The following LRCH4 variants were observed in gnomAD, a reference collection of about 807,000 sequenced individuals.
LRCH4 encodes the protein leucine rich repeats and calponin homology domain containing 4.
In LRCH4, 56 loss-of-function variants were observed where a neutral mutation model predicts 81.2. The observed-to-expected ratio is 0.69, with a 90% CI of 0.56 to 0.86. The LOEUF is 0.86. LRCH4 is among the 40% of genes least tolerant of loss of function. LRCH4 has a pLI of 0.00. For missense variants in LRCH4, 895 were observed against 922.8 expected (o/e 0.97, Z 0.39); for synonymous variants, 442 against 409.7 (o/e 1.08, Z -0.95).
In LRCH4 at chr7:100,577,675, C is replaced by T; in HGVS notation, c.1105G>A (p.Gly369Ser). 1 of 1,613,878 alleles carries T rather than the reference C, an allele frequency of 6.2e-7. No individual in the cohort carries two copies. The highest frequency in any genetic ancestry group is 1.1e-5 in the South Asian group (1 of 91,090). ...SHVPGEDEER[G>S]TVEEQRPPEL... The stretch of plus-strand genomic sequence containing the variant: ...AGCTGGGCTCTCACCTCCACAGTGC[C>T]TCGCTCTTCATCCTCCCCGGGGACA... Residue 369 changes from glycine (G) to serine (S), a missense_variant, in exon 9 of 18, where the codon GGC (glycine) becomes AGC (serine). By Grantham distance (56) the Gly-to-Ser change is moderately conservative. This residue lies in a region of LRCH4 where 529 missense variants were observed against 504.9 expected (regional missense o/e 1.05). Transcript: ENST00000310300. The surrounding 1 kb of genome is among the most constrained non-coding windows in gnomAD (Gnocchi z 6.7).
Position 100,578,339 on chromosome 7 carries a change from T to C in LRCH4, c.848+60A>G. ...CTCCTGCCAGAAAGCAGGGGGTGCC[T>C]GGGGCCGGGAAGGGGCATTCAGTAT... On this transcript the variant is annotated intron_variant, in intron 6 of 17. Transcript: ENST00000310300. The surrounding 1 kb of genome is among the most constrained non-coding windows in gnomAD (Gnocchi z 5.7). 1 of 1,601,570 alleles carries C rather than the reference T, an allele frequency of 6.2e-7. No individual in the cohort carries two copies. Among genetic ancestry groups the C allele is most frequent in the Non-Finnish European group, 8.6e-7 (1 of 1,168,758 alleles).
In LRCH4 at chr7:100,582,104, G is replaced by A; in HGVS notation, c.429C>T (p.Val143=). 1 of 1,612,336 alleles carries A rather than the reference G, an allele frequency of 6.2e-7. No homozygotes were observed. Among genetic ancestry groups the A allele is most frequent in the Non-Finnish European group, 8.5e-7 (1 of 1,179,800 alleles). The change falls in exon 3 of 18, where the codon GTC becomes GTT. Residue 143 remains valine (V), a synonymous_variant. Coordinates refer to ENST00000310300, the MANE Select transcript of LRCH4 (RefSeq NM_002319.5). This position sits in a 1 kb window ranked among gnomAD's most constrained non-coding sequence, Gnocchi z 5.0. The part of the protein sequence containing the change: ...ICQLPLRVLI[V]SNNKLGALPP... ...GCAGGGCTCCCAGCTTGTTGTTGCTGACGATGAGGACCCTCAGGGGCAGCT... is the reference window on the plus strand; with the variant it reads ...GCAGGGCTCCCAGCTTGTTGTTGCTAACGATGAGGACCCTCAGGGGCAGCT...
rs1247207463 is a variant in LRCH4 at position 100,585,864 on chromosome 7, G to A, written c.220+17C>T. 1 of 1,557,954 alleles carries A rather than the reference G, an allele frequency of 6.4e-7. No homozygotes were observed. Among genetic ancestry groups the A allele is most frequent in the African/African-American group, 1.4e-5 (1 of 72,050 alleles). Reference sequence around the variant, plus strand: ...AAATGAGGGACCCGGTTGGGCCCGGGGCCCGGCTGCACTCACCAGCCTGGG... The same window carrying A: ...AAATGAGGGACCCGGTTGGGCCCGGAGCCCGGCTGCACTCACCAGCCTGGG... On this transcript the variant is annotated intron_variant, in intron 1 of 17. Coordinates refer to ENST00000310300, the MANE Select transcript of LRCH4 (RefSeq NM_002319.5).
Position 100,577,319 on chromosome 7 carries a change from G to C in LRCH4, c.1249C>G (p.Arg417Gly). The change falls in exon 11 of 18, where the codon CGG (arginine) becomes GGG (glycine). Residue 417 changes from arginine (R) to glycine (G), a missense_variant. Around this residue, in one of 3 missense-constraint regions of LRCH4, gnomAD observed 529 missense variants for 504.9 expected, o/e 1.05. Coordinates refer to ENST00000310300, the MANE Select transcript of LRCH4 (RefSeq NM_002319.5). This position sits in a 1 kb window ranked among gnomAD's most constrained non-coding sequence, Gnocchi z 6.7. ...TLQLWQERER[R>G]QQQQSGAWGA... ...CACGCCCCGCTCTGCTGCTGCTGCC[G>C]CCGTTCCCGCTCCTGCCACAGCTGC... 1 of 1,597,604 alleles carries C rather than the reference G, an allele frequency of 6.3e-7. No homozygotes were observed. The highest frequency in any genetic ancestry group is 8.5e-7 in the Non-Finnish European group (1 of 1,178,414).
At position 100,578,229 on chromosome 7, in the gene LRCH4, C is replaced by G. The variant is rs771824805; in HGVS notation, c.878G>C (p.Arg293Pro). The G allele has an allele frequency of 6.2e-7, 1 of 1,614,222 alleles. No homozygotes were observed. The highest frequency in any genetic ancestry group is 8.5e-7 in the Non-Finnish European group (1 of 1,180,016). ...GCCTGAGTCCAGCCCACCATCGTACCGATGTCCCGGAAATAGATCCTCTGC... is the reference window on the plus strand; with the variant it reads ...GCCTGAGTCCAGCCCACCATCGTACGGATGTCCCGGAAATAGATCCTCTGC... Reference protein sequence around the residue: ...CPAEDLFPGHRYDGGLDSGFH... With the variant: ...CPAEDLFPGHPYDGGLDSGFH... The change falls in exon 7 of 18, where the codon CGG becomes CCG. Residue 293 changes from arginine to proline, a missense_variant. This residue lies in a region of LRCH4 where 360 missense variants were observed against 397.0 expected (regional missense o/e 0.91). Transcript: ENST00000310300. This position sits in a 1 kb window ranked among gnomAD's most constrained non-coding sequence, Gnocchi z 5.7.
chr7:100,578,846 A>C lies in LRCH4; in HGVS notation c.599-60T>G. ...TGCTCAGGGCTGTGGCCTCGTGCTC[A>C]CTCCCTCACCCTTGGCTCCAGCTGG... On this transcript the variant is annotated intron_variant, in intron 4 of 17. Transcript: ENST00000310300. The surrounding 1 kb of genome is among the most constrained non-coding windows in gnomAD (Gnocchi z 5.7). The C allele has an allele frequency of 6.4e-7, 1 of 1,570,666 alleles. No individual in the cohort carries two copies. Among genetic ancestry groups the C allele is most frequent in the Non-Finnish European group, 8.7e-7 (1 of 1,155,060 alleles).
At position 100,583,002 on chromosome 7, in the gene LRCH4, C is replaced by T. The variant is rs1308603157; in HGVS notation, c.221-543G>A. 6.6e-6 allele frequency among the ~76,000 whole-genome samples: 1 copy of T among 152,162 alleles called. No individual in the cohort carries two copies. Among genetic ancestry groups the T allele is most frequent in the Non-Finnish European group, 1.5e-5 (1 of 68,028 alleles). On this transcript the variant is annotated intron_variant, in intron 1 of 17. Coordinates refer to ENST00000310300, the MANE Select transcript of LRCH4 (RefSeq NM_002319.5). This position sits in a 1 kb window ranked among gnomAD's most constrained non-coding sequence, Gnocchi z 4.3. ...TATCTTGGTTCTAGAGATAAAGTCC[C>T]CGACACCGGACGAGTTTTTCGCCAG...
Position 100,574,748 on chromosome 7 carries a change from T to G in LRCH4, c.*359A>C. ...ATAGATCCTCTCTACAAAATAGAGA[T>G]AATTTAGCCCCCCCATAGCAGCTGT... On this transcript the variant is annotated 3_prime_UTR_variant, in exon 18 of 18. Coordinates refer to ENST00000310300, the MANE Select transcript of LRCH4 (RefSeq NM_002319.5). The G allele has an allele frequency of 3.9e-5, 9 of 227,916 alleles. No homozygotes were observed. Among genetic ancestry groups the G allele is most frequent in the Non-Finnish European group, 6.1e-5 (7 of 114,488 alleles). 14.1% of individuals were successfully genotyped at this position (227,916 alleles called of 1,614,324 possible). A position where few individuals can be genotyped will look rare whatever the true frequency, so the allele number is the denominator to read the frequency against.
At chr7:100,576,452 T>TG in intron 14 of LRCH4, 129 bp from the exon 15 acceptor site, 1 of 703,840 alleles carries the variant, frequency 1.4e-6, no homozygotes, top group Non-Finnish European at 2.4e-6. Context: ...TTCATGGAGA[T>TG]GGGGTCTCGC....
At position 100,578,618 on chromosome 7, in the gene LRCH4, T is replaced by C. The variant is rs1801445418; in HGVS notation, c.735+32A>G. 4 of 1,609,184 alleles carry C rather than the reference T, an allele frequency of 2.5e-6. No individual in the cohort carries two copies. In the East Asian group the frequency reaches 6.7e-5, roughly 27 times the overall value. Reference sequence around the variant, plus strand: ...CCCCACTCCTGCCTAGCCACACCCCTGTCCTCGTGGCCCCCCAGGCACCCG... The same window carrying C: ...CCCCACTCCTGCCTAGCCACACCCCCGTCCTCGTGGCCCCCCAGGCACCCG... On this transcript the variant is annotated intron_variant, in intron 5 of 17. Transcript: ENST00000310300. This position sits in a 1 kb window ranked among gnomAD's most constrained non-coding sequence, Gnocchi z 5.7.
intron 1 of LRCH4, chr7:100,584,548 A>G (rs1344764741): frequency 5.7e-6 from 2 of 350,860 alleles, no homozygotes; most frequent in East Asian, 8.4e-5. Flanking sequence ...AAAACAACCA[A>G]GGGGGAGGGG....
chr7:100,574,786 G>T lies in LRCH4; in HGVS notation c.*321C>A. The T allele has an allele frequency of 3.3e-6, 1 of 304,890 alleles. No homozygotes were observed. Among genetic ancestry groups the T allele is most frequent in the East Asian group, 5.6e-5 (1 of 17,730 alleles). The allele number at this position is 304,890 out of a possible 1,614,324, so 18.9% of individuals were successfully genotyped here. On this transcript the variant is annotated 3_prime_UTR_variant, in exon 18 of 18. Transcript: ENST00000310300. ...CCATAGCAGCTGTTGGGGGGGGAAGGGGAGGGCACAGGAGGAAGGGGGAGA... is the reference window on the plus strand; with the variant it reads ...CCATAGCAGCTGTTGGGGGGGGAAGTGGAGGGCACAGGAGGAAGGGGGAGA...
chr7:100,575,721 T>G lies in LRCH4; in HGVS notation c.1838A>C (p.Lys613Thr). The change falls in exon 17 of 18, where the codon AAA (lysine) becomes ACA (threonine). Residue 613 changes from lysine (K) to threonine (T), a missense_variant. Physicochemically the swap from Lys to Thr is moderately conservative, Grantham distance 78. This residue lies in a region of LRCH4 where 529 missense variants were observed against 504.9 expected (regional missense o/e 1.05). Coordinates refer to ENST00000310300, the MANE Select transcript of LRCH4 (RefSeq NM_002319.5). The surrounding 1 kb of genome is among the most constrained non-coding windows in gnomAD (Gnocchi z 5.3). ...CCCCCATACCTCAGGCACCCCCATT[T>G]TTCGACAGGCTTCTAGAAAACTCTC... ...NVESFLEACR[K>T]MGVPEADLCS... is the part of the protein sequence containing the mutation. 1 of 1,613,998 alleles carries G rather than the reference T, an allele frequency of 6.2e-7. No homozygotes were observed. The highest frequency in any genetic ancestry group is 8.5e-7 in the Non-Finnish European group (1 of 1,179,922).
At position 100,574,098 on chromosome 7, in the gene LRCH4, G is replaced by A. The variant is rs1400106976; in HGVS notation, c.*1009C>T. ...GCGACACCCGCGGTCCTTCCACCCA[G>A]ACCCTCGACCCCAGAGGCAGCCAGG... On this transcript the variant is annotated 3_prime_UTR_variant, in exon 18 of 18. Transcript: ENST00000310300. The A allele has an allele frequency of 6.5e-6, 1 of 154,650 alleles. No homozygotes were observed. Among genetic ancestry groups the A allele is most frequent in the Non-Finnish European group, 1.4e-5 (1 of 69,266 alleles). The allele number at this position is 154,650 out of a possible 1,614,324, so 9.6% of individuals were successfully genotyped here.
chr7:100,576,745 T>C lies in LRCH4; in HGVS notation c.1501A>G (p.Ile501Val), dbSNP rs972522356. Residue 501 changes from isoleucine to valine, a missense_variant, in exon 14 of 18, where the codon ATT becomes GTT. Ile to Val is a conservative substitution (Grantham distance 29). Transcript: ENST00000310300. ...TAPAPRPLGSIQRPNSFLFRS... is the reference protein window; with the variant it reads ...TAPAPRPLGSVQRPNSFLFRS... ...AAGAGGAAGCTGTTTGGTCTCTGAATGGAGCCAAGTGGCCGTGGAGCAGGT... is the reference window on the plus strand; with the variant it reads ...AAGAGGAAGCTGTTTGGTCTCTGAACGGAGCCAAGTGGCCGTGGAGCAGGT... The C allele has an allele frequency of 1.9e-6, 3 of 1,597,734 alleles. No individual in the cohort carries two copies. Among genetic ancestry groups the C allele is most frequent in the African/African-American group, 2.7e-5 (2 of 74,670 alleles).
chr7:100,582,637 G>A lies in LRCH4; in HGVS notation c.221-178C>T, dbSNP rs962799521. On this transcript the variant is annotated intron_variant, in intron 1 of 17. Coordinates refer to ENST00000310300, the MANE Select transcript of LRCH4 (RefSeq NM_002319.5). The surrounding 1 kb of genome is among the most constrained non-coding windows in gnomAD (Gnocchi z 5.0). ...CTGCCAACGGGAGCACATTCCAGGC[G>A]TGACCAGAATGGCACAGGGAAGGCA... Among the ~76,000 whole-genome samples the A allele has an allele frequency of 1.3e-4, 20 of 152,232 alleles. No homozygotes were observed. Among genetic ancestry groups the A allele is most frequent in the South Asian group, 6.2e-4 (3 of 4,836 alleles).
At position 100,577,193 on chromosome 7, in the gene LRCH4, A is replaced by C. The variant is rs1801391574; in HGVS notation, c.1296-39T>G. 3 of 1,612,512 alleles carry C rather than the reference A, an allele frequency of 1.9e-6. No individual in the cohort carries two copies. Among genetic ancestry groups the C allele is most frequent in the Non-Finnish European group, 1.7e-6 (2 of 1,179,930 alleles). On this transcript the variant is annotated intron_variant, in intron 11 of 17. Coordinates refer to ENST00000310300, the MANE Select transcript of LRCH4 (RefSeq NM_002319.5). This position sits in a 1 kb window ranked among gnomAD's most constrained non-coding sequence, Gnocchi z 6.7. ...AGGTGGGGTCAGCTAGCCCCAAGGC[A>C]GAACGGCTCAGCGGGGCTCGGTGGC...
Position 100,578,099 on chromosome 7 carries a change from G to T in LRCH4, c.948+60C>A. The T allele has an allele frequency of 6.5e-7, 1 of 1,539,810 alleles. No individual in the cohort carries two copies. Among genetic ancestry groups the T allele is most frequent in the Non-Finnish European group, 9.0e-7 (1 of 1,114,084 alleles). On this transcript the variant is annotated intron_variant, in intron 7 of 17. Transcript: ENST00000310300. This position sits in a 1 kb window ranked among gnomAD's most constrained non-coding sequence, Gnocchi z 5.7. ...GCACCCTGCAATTTGGAGGTCCCCA[G>T]TTCAGAGGTGCTCTCCCAGGGCTGA...
intron 4 of LRCH4, chr7:100,580,405 CA>C: frequency 1.7e-4 from 1 of 5,826 alleles, no homozygotes; most frequent in Non-Finnish European, 1.3e-3. Flanking sequence ...ATACACACAT[CA>C]CACACACACA....
Sources: gnomAD v4.1 joint callset for allele counts (sites outside exome capture counted in the v4.1 genomes callset) on GRCh38, gnomAD v4.1.1 for gene constraint, gnomAD v4.1.1 regional missense constraint, Gnocchi (gnomAD v3.1) non-coding constraint, MANE v1.5 for transcripts, NCBI Gene and HGNC (gene_info 2026-07-23, HGNC 2026-07-21) for gene names.